Variants in ESR1 observed in about 807,000 individuals in gnomAD.
The protein encoded by ESR1 is estrogen receptor 1.
Under a neutral mutation model 52.7 loss-of-function variants are expected in ESR1, and 12 were observed. The observed-to-expected ratio is 0.23, with a 90% CI of 0.15 to 0.37. The LOEUF (loss-of-function observed/expected upper bound fraction) is 0.37, where lower values mean the gene tolerates loss of function less well. Ranked by LOEUF, ESR1 falls within the 10% of genes least tolerant of loss-of-function variation. The pLI is 1.00. For missense variants in ESR1, 584 were observed against 779.7 expected, an observed-to-expected ratio of 0.75 and a Z score of 2.99; for synonymous variants, 305 against 316.8, an observed-to-expected ratio of 0.96 and a Z score of 0.39.
intron 5 of ESR1, among the ~76,000 whole-genome samples, chr6:152,058,766 T>C (rs1031352418): frequency 2.0e-5 from 3 of 152,174 alleles, no homozygotes; most frequent in African/African-American, 7.2e-5. Flanking sequence ...TAAGAACTAG[T>C]ATGTAATAGG....
At chr6:151,975,805 G>T (rs532050994) in intron 4 of ESR1, among the ~76,000 whole-genome samples, 1 of 152,280 alleles carries the variant, frequency 6.6e-6, no homozygotes, top group South Asian at 2.1e-4. Context: ...TTGGCATATA[G>T]AATTAGCCAG....
chr6:151,849,498 G>A (rs943537386), intron 2 of ESR1, among the ~76,000 whole-genome samples: 13 of 152,070 alleles, frequency 8.5e-5, no homozygotes, highest in African/African-American at 3.1e-4. Flanking sequence ...ACAAAAATTA[G>A]CCAGTTGTGA....
intron 4 of ESR1, among the ~76,000 whole-genome samples, chr6:152,006,218 A>G (rs1475382753): frequency 6.6e-6 from 1 of 152,060 alleles, no homozygotes; most frequent in African/African-American, 2.4e-5. Context: ...TTCTAACAGT[A>G]GTACATATTT....
At chr6:152,105,383 G>A (rs2051051329), downstream of ESR1, among the ~76,000 whole-genome samples, 3 of 150,924 alleles carry the variant, frequency 2.0e-5, no homozygotes, top group South Asian at 4.2e-4. Context: ...CCCCCAAATT[G>A]TTAAATAAAT....
chr6:151,705,991 T>A (rs957144676), intron 2 of ESR1, among the ~76,000 whole-genome samples: 12 of 152,222 alleles, frequency 7.9e-5, no homozygotes, highest in African/African-American at 2.9e-4. Flanking sequence ...TGACACATAA[T>A]AGCAAATAAG....
intron 3 of ESR1, among the ~76,000 whole-genome samples, chr6:151,937,601 G>A (rs1433553283): frequency 1.3e-5 from 2 of 152,274 alleles, no homozygotes; most frequent in South Asian, 2.1e-4. Context: ...GAGTTTGTAG[G>A]TATGAAAGGA....
chr6:151,723,049 C>T (rs1183895800), intron 2 of ESR1, among the ~76,000 whole-genome samples: 1 of 152,144 alleles, frequency 6.6e-6, no homozygotes, highest in Non-Finnish European at 1.5e-5. Context: ...GAGAGATGCC[C>T]TTTAGATTAC....
chr6:151,821,140 A>G (rs1338434356), intron 1 of ESR1, among the ~76,000 whole-genome samples: 2 of 151,696 alleles, frequency 1.3e-5, no homozygotes, highest in Non-Finnish European at 2.9e-5. Context: ...CTCTATTCTG[A>G]CTCCTGACCA....
chr6:151,692,179 G>A (rs1054135025), intron 1 of ESR1, among the ~76,000 whole-genome samples: 2 of 152,168 alleles, frequency 1.3e-5, no homozygotes, highest in African/African-American at 2.4e-5. Context: ...ACTATCTTTC[G>A]TTTCTGATAA....
At chr6:151,680,194 T>C (rs1562325519) in intron 1 of ESR1, among the ~76,000 whole-genome samples, 1 of 144,972 alleles carries the variant, frequency 6.9e-6, no homozygotes, top group Non-Finnish European at 1.5e-5. Context: ...CCTTGCTTTT[T>C]TTCTTTTCTC....
Position 151,807,826 on chromosome 6 carries a change from C to A in ESR1, c.-87C>A. ...GCGCTGCGTCGCCTCTAACCTCGGG[C>A]TGTGCTCTTTTTCCAGGTGGCCCGC... is the stretch of plus-strand genomic sequence containing the variant. On this transcript the variant is annotated 5_prime_UTR_variant, in exon 1 of 8. It adds an upstream start codon to the 5' untranslated region. Coordinates refer to ENST00000206249, the MANE Select transcript of ESR1 (RefSeq NM_000125.4). 1 of 1,201,240 alleles carries A rather than the reference C, an allele frequency of 8.3e-7. No individual in the cohort carries two copies. The allele number at this position is 1,201,240 out of a possible 1,614,324, so 74.4% of individuals were successfully genotyped here. A position where few individuals can be genotyped will look rare whatever the true frequency, so the allele number is the denominator to read the frequency against.
At chr6:151,658,564 T>G (rs1777533227) in intron 1 of ESR1, among the ~76,000 whole-genome samples, 1 of 152,238 alleles carries the variant, frequency 6.6e-6, no homozygotes, top group Admixed American at 6.5e-5. Flanking sequence ...CACATAATAG[T>G]TGGATGCCAA....
At chr6:151,981,560 CAA>C (rs1296478771) in intron 4 of ESR1, among the ~76,000 whole-genome samples, 2 of 152,168 alleles carry the variant, frequency 1.3e-5, no homozygotes, top group Non-Finnish European at 2.9e-5. Flanking sequence ...CCTTAAAAAA[CAA>C]ATCCACATTT....
intron 2 of ESR1, among the ~76,000 whole-genome samples, chr6:151,789,762 T>A (rs1391490997): frequency 6.6e-6 from 1 of 152,188 alleles, no homozygotes; most frequent in Non-Finnish European, 1.5e-5. Context: ...TCACAACTCC[T>A]CCCCTTTCCC....
intron 1 of ESR1, among the ~76,000 whole-genome samples, chr6:151,831,459 T>C (rs1191216875): frequency 1.3e-5 from 2 of 152,162 alleles, no homozygotes; most frequent in African/African-American, 2.4e-5. Flanking sequence ...TGATTTCTAA[T>C]GGGATTTAGT....
intron 6 of ESR1, among the ~76,000 whole-genome samples, chr6:152,062,139 AC>A (rs2047594806): frequency 6.6e-6 from 1 of 151,524 alleles, no homozygotes; most frequent in Admixed American, 6.6e-5. Context: ...GAGAATCCGC[AC>A]TTCCTTCTCT....
intron 3 of ESR1, among the ~76,000 whole-genome samples, chr6:151,884,546 TAGCA>T (rs748117451): frequency 2.0e-5 from 3 of 152,202 alleles, no homozygotes; most frequent in Non-Finnish European, 2.9e-5. Context: ...CCTATTTTCA[TAGCA>T]AGGCTGAAAA....
At chr6:151,686,499 C>A (rs1217421838), upstream of ESR1, among the ~76,000 whole-genome samples, 1 of 152,170 alleles carries the variant, frequency 6.6e-6, no homozygotes, top group Non-Finnish European at 1.5e-5. Context: ...TCCCGGCTAA[C>A]ATGGTGAAAC....
chr6:151,963,923 G>A (rs2037955003), intron 4 of ESR1, among the ~76,000 whole-genome samples: 2 of 152,128 alleles, frequency 1.3e-5, no homozygotes, highest in African/African-American at 2.4e-5. Flanking sequence ...TTATTAAAGA[G>A]GCTGTCCTTT....
Sources: gnomAD v4.1 joint callset for allele counts (sites outside exome capture counted in the v4.1 genomes callset) on GRCh38, gnomAD v4.1.1 for gene constraint, MANE v1.5 for transcripts, NCBI Gene and HGNC (gene_info 2026-07-23, HGNC 2026-07-21) for gene names.